Variants in ACCSL observed in about 807,000 individuals in gnomAD.
ACCSL encodes probable inactive 1-aminocyclopropane-1-carboxylate synthase-like protein 2.
In ACCSL, 55 loss-of-function variants were observed where a neutral mutation model predicts 61.7. The observed-to-expected ratio is 0.89, with a 90% confidence interval of 0.72 to 1.12. The LOEUF (loss-of-function observed/expected upper bound fraction) is 1.12, where lower values mean the gene tolerates loss of function less well. ACCSL is among the 50% of genes most tolerant of loss of function. The pLI, the probability that ACCSL is intolerant of heterozygous loss-of-function variation, is 0.00. For missense variants in ACCSL, 632 were observed against 698.0 expected, an observed-to-expected ratio of 0.91 and a Z score of 1.07; for synonymous variants, 258 against 264.3, an observed-to-expected ratio of 0.98 and a Z score of 0.23.
the ACCSL span, among the ~76,000 whole-genome samples, chr11:43,935,319 A>C: frequency 1.0e-5 from 1 of 99,800 alleles, no homozygotes; most frequent in African/African-American, 3.9e-5. Flanking sequence ...ATCGACCCAA[A>C]CAACCAACCT....
the ACCSL span, among the ~76,000 whole-genome samples, chr11:43,964,875 A>G: frequency 6.6e-6 from 1 of 152,226 alleles, no homozygotes; most frequent in African/African-American, 2.4e-5. Context: ...CAGAAAAAGC[A>G]TTTGACAAAA....
chr11:44,044,321 G>C (rs1257722427), upstream of ACCSL, among the ~76,000 whole-genome samples: 1 of 151,982 alleles, frequency 6.6e-6, no homozygotes, highest in African/African-American at 2.4e-5. Flanking sequence ...ATCTTCACTG[G>C]GCTTCAGTTT....
the ACCSL span, among the ~76,000 whole-genome samples, chr11:44,020,306 C>T: frequency 6.6e-6 from 1 of 151,884 alleles, no homozygotes; most frequent in Non-Finnish European, 1.5e-5. Flanking sequence ...TTTTCCACAG[C>T]CTGGATGCCT....
the ACCSL span, among the ~76,000 whole-genome samples, chr11:43,949,740 C>G: frequency 2.6e-5 from 4 of 152,012 alleles, no homozygotes; most frequent in Non-Finnish European, 5.9e-5. Context: ...GCTTGAACCC[C>G]GAAGGTGGAG....
At chr11:43,922,528 C>T in the ACCSL span, among the ~76,000 whole-genome samples, 2 of 152,214 alleles carry the variant, frequency 1.3e-5, no homozygotes, top group African/African-American at 4.8e-5. Context: ...GCATCAGCAT[C>T]CTCTAGCCAG....
chr11:44,041,085 A>G, the ACCSL span, among the ~76,000 whole-genome samples: 44 of 152,356 alleles, frequency 2.9e-4, no homozygotes, highest in African/African-American at 9.9e-4. Flanking sequence ...CCAGAGCCTG[A>G]CTTGAGGCAG....
chr11:43,979,186 G>T, the ACCSL span, among the ~76,000 whole-genome samples: 1 of 152,014 alleles, frequency 6.6e-6, no homozygotes, highest in South Asian at 2.1e-4. Context: ...TTAAAAATTA[G>T]CCAGTGGTGG....
the ACCSL span, among the ~76,000 whole-genome samples, chr11:43,951,575 A>G: frequency 3.3e-5 from 5 of 152,370 alleles, no homozygotes; most frequent in African/African-American, 1.2e-4. Context: ...TTGATTGCCA[A>G]GAAAACCAGG....
chr11:44,013,469 G>T, the ACCSL span, among the ~76,000 whole-genome samples: 3 of 152,038 alleles, frequency 2.0e-5, no homozygotes, highest in African/African-American at 7.2e-5. Flanking sequence ...TAGTAGAGAT[G>T]GGGGGTGGAG....
At chr11:44,054,447 C>CTTTTTT (rs67313576) in intron 8 of ACCSL, among the ~76,000 whole-genome samples, 3 of 138,418 alleles carry the variant, frequency 2.2e-5, no homozygotes, top group African/African-American at 5.4e-5. Flanking sequence ...TTCTTTCTTT[C>CTTTTTT]TTTTTTTTTT....
chr11:44,048,581 C>A, intron 1 of ACCSL, 41 bp downstream of exon 1: 1 of 1,460,950 alleles, frequency 6.8e-7, no homozygotes, highest in Non-Finnish European at 9.3e-7. Flanking sequence ...TCCTCACGGG[C>A]TCCAGTCACT....
At chr11:43,994,334 G>C in the ACCSL span, among the ~76,000 whole-genome samples, 1 of 152,344 alleles carries the variant, frequency 6.6e-6, no homozygotes, top group Admixed American at 6.5e-5. Context: ...AGTGTGTGCA[G>C]TCTGCATGTG....
chr11:43,991,229 G>C, the ACCSL span, among the ~76,000 whole-genome samples: 1 of 152,212 alleles, frequency 6.6e-6, no homozygotes, highest in South Asian at 2.1e-4. Flanking sequence ...TCTGAAGCTT[G>C]TATTCCAGTG....
At chr11:43,990,560 G>A in the ACCSL span, among the ~76,000 whole-genome samples, 7 of 152,144 alleles carry the variant, frequency 4.6e-5, no homozygotes, top group African/African-American at 1.7e-4. Flanking sequence ...TGGTGATTAA[G>A]TTTCAACATA....
At chr11:43,954,072 G>C in the ACCSL span, among the ~76,000 whole-genome samples, 1 of 152,210 alleles carries the variant, frequency 6.6e-6, no homozygotes, top group South Asian at 2.1e-4. Flanking sequence ...TCTATGTCAC[G>C]GGACCATGAG....
At chr11:44,030,386 G>A in the ACCSL span, among the ~76,000 whole-genome samples, 53,338 of 150,646 alleles carry the variant, frequency 0.35, 9,777 homozygotes, top group Middle Eastern at 0.42. Context: ...AGAAGCCTAG[G>A]CCCCCTCCCC....
the ACCSL span, among the ~76,000 whole-genome samples, chr11:43,967,985 G>A: frequency 3.5e-3 from 526 of 152,212 alleles, 4 homozygotes; most frequent in African/African-American, 0.012. Flanking sequence ...CAGGGATCTC[G>A]GTTTATTATT....
chr11:44,029,525 T>G, the ACCSL span, among the ~76,000 whole-genome samples: 1 of 152,234 alleles, frequency 6.6e-6, no homozygotes, highest in East Asian at 1.9e-4. Context: ...GAAGTCCTGG[T>G]CAGAATGAAT....
At chr11:44,025,375 C>T in the ACCSL span, among the ~76,000 whole-genome samples, 74 of 152,148 alleles carry the variant, frequency 4.9e-4, 1 homozygote, top group Admixed American at 3.8e-3. Context: ...AATACCTTAA[C>T]TTAAAACAAT....
Sources: gnomAD v4.1 joint callset for allele counts (sites outside exome capture counted in the v4.1 genomes callset) on GRCh38, gnomAD v4.1.1 for gene constraint, MANE v1.5 for transcripts, NCBI Gene and HGNC (gene_info 2026-07-23, HGNC 2026-07-21) for gene names.